EXOC6B: variants seen among roughly 807,000 people sequenced by gnomAD.
EXOC6B encodes SEC15 homolog B.
Under a neutral mutation model 113.5 loss-of-function variants are expected in EXOC6B, and 54 were observed. The ratio of observed to expected loss-of-function variants is 0.48; its 90% CI spans 0.38 to 0.60. The LOEUF is 0.60. Among genes scored for constraint, EXOC6B ranks in the 20% least tolerant of loss-of-function variants. EXOC6B has a pLI of 0.00. For missense variants in EXOC6B, 797 were observed against 977.5 expected (o/e 0.82, Z 2.46); for synonymous variants, 357 against 339.0 (o/e 1.05, Z -0.58).
At chr2:72,765,912 C>G (rs138036349) in intron 1 of EXOC6B, among the ~76,000 whole-genome samples, 100 of 152,194 alleles carry the variant, frequency 6.6e-4, no homozygotes, top group African/African-American at 2.3e-3. Flanking sequence ...TTTAGAGAAT[C>G]CCGGTACCTT....
intron 20 of EXOC6B, among the ~76,000 whole-genome samples, chr2:72,311,721 C>G (rs889304930): frequency 1.3e-5 from 2 of 152,114 alleles, no homozygotes; most frequent in African/African-American, 4.8e-5. Flanking sequence ...TTCTGCCACA[C>G]ACACACACAA....
At chr2:72,493,229 T>A (rs1418893324) in intron 15 of EXOC6B, among the ~76,000 whole-genome samples, 4 of 151,840 alleles carry the variant, frequency 2.6e-5, no homozygotes, top group Non-Finnish European at 5.9e-5. Context: ...ACCAGTCCCA[T>A]CATGGTTTTC....
intron 6 of EXOC6B, among the ~76,000 whole-genome samples, chr2:72,650,330 G>A (rs976065431): frequency 5.9e-5 from 9 of 152,216 alleles, no homozygotes; most frequent in African/African-American, 2.2e-4. Flanking sequence ...GGCTGGGCAC[G>A]GTGGCTCATG....
At chr2:72,336,865 G>A (rs1241732826) in intron 19 of EXOC6B, among the ~76,000 whole-genome samples, 1 of 151,912 alleles carries the variant, frequency 6.6e-6, no homozygotes, top group African/African-American at 2.4e-5. Context: ...AAATTAGCTG[G>A]GCATGGTGAC....
intron 16 of EXOC6B, among the ~76,000 whole-genome samples, chr2:72,485,857 G>A (rs1430151403): frequency 6.6e-6 from 1 of 152,166 alleles, no homozygotes; most frequent in African/African-American, 2.4e-5. Context: ...TATGTCTAGT[G>A]CACTACATCA....
intron 18 of EXOC6B, among the ~76,000 whole-genome samples, chr2:72,459,783 A>G (rs1461157455): frequency 6.6e-6 from 1 of 152,176 alleles, no homozygotes; most frequent in African/African-American, 2.4e-5. Flanking sequence ...ATACTGCCCA[A>G]GGTAATTTAT....
At position 72,825,948 on chromosome 2, in the gene EXOC6B, C is replaced by T; in HGVS notation, c.-38G>A. On this transcript the variant is annotated 5_prime_UTR_variant, in exon 1 of 22. Coordinates refer to ENST00000272427, the MANE Select transcript of EXOC6B (RefSeq NM_015189.3). The surrounding 1 kb of genome is among the most constrained non-coding windows in gnomAD (Gnocchi z 4.4). ...CCCCGCAGCGCGTCCCCTCCGTCGG[C>T]TCGGCTCACCTTTTCCCTGCCCCAC... The T allele has an allele frequency of 4.4e-6, 7 of 1,605,378 alleles. No individual in the cohort carries two copies. The highest frequency in any genetic ancestry group is 1.7e-4 in the Middle Eastern group (1 of 6,054).
intron 20 of EXOC6B, among the ~76,000 whole-genome samples, chr2:72,305,574 CA>C (rs1686804887): frequency 6.6e-6 from 1 of 152,044 alleles, no homozygotes; most frequent in South Asian, 2.1e-4. Flanking sequence ...CTGCATTCTA[CA>C]TAAGAGATCT....
At chr2:72,321,739 G>A (rs908924837) in intron 20 of EXOC6B, among the ~76,000 whole-genome samples, 3 of 152,146 alleles carry the variant, frequency 2.0e-5, no homozygotes, top group South Asian at 2.1e-4. Flanking sequence ...AGTAGAGGGC[G>A]AAGAGTCATT....
intron 18 of EXOC6B, among the ~76,000 whole-genome samples, chr2:72,440,140 C>G (rs1274872792): frequency 6.6e-6 from 1 of 152,114 alleles, no homozygotes; most frequent in Admixed American, 6.5e-5. Context: ...GAGGTCTCAC[C>G]TAGTCAGCAG....
intron 6 of EXOC6B, among the ~76,000 whole-genome samples, chr2:72,671,088 C>A (rs1251458015): frequency 2.0e-5 from 3 of 152,040 alleles, no homozygotes; most frequent in African/African-American, 4.8e-5. Context: ...GGAAATGCTC[C>A]AGAACACTGG....
chr2:72,194,159 A>G lies in EXOC6B; in HGVS notation c.2197-9972T>C, dbSNP rs534593629. Reference sequence around the variant, plus strand: ...AGAAAGAAGAAAAAAATGGCTTTAGAGAGACCCTTCCCATTATAATGAGAT... The same window carrying G: ...AGAAAGAAGAAAAAAATGGCTTTAGGGAGACCCTTCCCATTATAATGAGAT... On this transcript the variant is annotated intron_variant, in intron 20 of 21. Coordinates refer to ENST00000272427, the MANE Select transcript of EXOC6B (RefSeq NM_015189.3). 2.2e-3 allele frequency among the ~76,000 whole-genome samples: 341 copies of G among 152,314 alleles called. 1 individual carries two copies. The highest frequency in any genetic ancestry group is 7.8e-3 in the African/African-American group (324 of 41,574).
chr2:72,522,052 C>T (rs1573317108), intron 8 of EXOC6B, among the ~76,000 whole-genome samples: 1 of 152,022 alleles, frequency 6.6e-6, no homozygotes, highest in East Asian at 1.9e-4. Context: ...AACCTAAATA[C>T]TAAAGACTGT....
At chr2:72,260,310 G>A (rs1683636289) in intron 20 of EXOC6B, among the ~76,000 whole-genome samples, 1 of 152,286 alleles carries the variant, frequency 6.6e-6, no homozygotes, top group South Asian at 2.1e-4. Context: ...CACAGGGTGA[G>A]GTGAGGTTGA....
chr2:72,378,952 G>GTCT (rs1482733413), intron 19 of EXOC6B, among the ~76,000 whole-genome samples: 1 of 152,112 alleles, frequency 6.6e-6, no homozygotes, highest in Non-Finnish European at 1.5e-5. Flanking sequence ...CAATCTCCCA[G>GTCT]CCTCCCATAG....
intron 6 of EXOC6B, among the ~76,000 whole-genome samples, chr2:72,694,135 A>T (rs891001214): frequency 6.6e-6 from 1 of 152,140 alleles, no homozygotes; most frequent in Non-Finnish European, 1.5e-5. Flanking sequence ...CTTTGAAAAG[A>T]GCTTTCTTCC....
chr2:72,254,021 G>A (rs973882260), intron 20 of EXOC6B, among the ~76,000 whole-genome samples: 6 of 151,928 alleles, frequency 3.9e-5, no homozygotes, highest in Admixed American at 6.6e-5. Flanking sequence ...TTAGCTGGGC[G>A]TGGTGGTGGG....
At chr2:72,232,213 G>A (rs1415240431) in intron 20 of EXOC6B, among the ~76,000 whole-genome samples, 1 of 152,040 alleles carries the variant, frequency 6.6e-6, no homozygotes, top group Non-Finnish European at 1.5e-5. Flanking sequence ...GACCTCAAGT[G>A]ATCCATCTGC....
chr2:72,267,836 T>C (rs1415113672), intron 20 of EXOC6B, among the ~76,000 whole-genome samples: 1 of 152,140 alleles, frequency 6.6e-6, no homozygotes. Flanking sequence ...ACTTGGGTCA[T>C]CTCAACAAAT....
Sources: allele counts gnomAD v4.1 joint callset (sites outside exome capture counted in the v4.1 genomes callset), GRCh38; gene constraint gnomAD v4.1.1; non-coding constraint Gnocchi (gnomAD v3.1); transcripts MANE v1.5; gene names NCBI Gene and HGNC (gene_info 2026-07-23, HGNC 2026-07-21).